The following MYOM2 variants were observed in gnomAD, a reference collection of about 807,000 sequenced individuals.
The protein encoded by MYOM2 is myomesin-2.
A neutral mutation model predicts 187.6 loss-of-function variants in MYOM2; 254 were observed. That is an observed-to-expected ratio of 1.35 (90% CI 1.22 to 1.50). The LOEUF is 1.50. Ranked by LOEUF, MYOM2 falls within the 40% of genes most tolerant of loss-of-function variation. The pLI is 0.00. For missense variants in MYOM2, 2,796 were observed against 1,924.0 expected, an observed-to-expected ratio of 1.45 and a Z score of -8.48; for synonymous variants, 981 against 753.8, an observed-to-expected ratio of 1.30 and a Z score of -4.94.
intron 21 of MYOM2, among the ~76,000 whole-genome samples, chr8:2,103,348 G>A (rs1796779221): frequency 6.6e-6 from 1 of 151,938 alleles, no homozygotes. Flanking sequence ...GTGCATATGT[G>A]TATGTATGGA....
At chr8:2,077,732 C>A (rs570040414) in intron 11 of MYOM2, among the ~76,000 whole-genome samples, 1 of 152,158 alleles carries the variant, frequency 6.6e-6, no homozygotes, top group Non-Finnish European at 1.5e-5. Flanking sequence ...ACGCTCCTCC[C>A]CTCATTACAA....
Position 2,085,571 on chromosome 8 carries a change from CA to C in MYOM2, c.1644+182del. Among the ~76,000 whole-genome samples, 3 of 32,494 alleles carry C rather than the reference CA, an allele frequency of 9.2e-5. 1 individual carries two copies. Among genetic ancestry groups the C allele is most frequent in the Non-Finnish European group, 5.4e-5 (1 of 18,642 alleles). The allele number at this position is 32,494 out of a possible 152,430, so 21.3% of individuals were successfully genotyped here. A position where few individuals can be genotyped will look rare whatever the true frequency, so the allele number is the denominator to read the frequency against. On this transcript the variant is annotated intron_variant, in intron 14 of 36. Coordinates refer to ENST00000262113, the MANE Select transcript of MYOM2 (RefSeq NM_003970.4). ...CACTGTCATGATCTCTGCGTGGCCC[CA>C]CTGTTGTGATCTCTGCGTGGCCCCA...
At chr8:2,115,938 A>G (rs1218604439) in intron 25 of MYOM2, 22 bp from the exon 26 acceptor site, 2 of 1,603,710 alleles carry the variant, frequency 1.2e-6, no homozygotes, top group Admixed American at 1.7e-5. Flanking sequence ...ATAATTCTCC[A>G]TTTCCCTTGT....
chr8:2,134,720 G>T (rs548490312), intron 32 of MYOM2, among the ~76,000 whole-genome samples: 2 of 152,252 alleles, frequency 1.3e-5, no homozygotes, highest in African/African-American at 4.8e-5. Context: ...TGCTCAAATT[G>T]TTCCAGCTCT....
intron 23 of MYOM2, among the ~76,000 whole-genome samples, chr8:2,106,989 A>T (rs1482153636): frequency 1.3e-5 from 2 of 151,486 alleles, no homozygotes; most frequent in Non-Finnish European, 3.0e-5. Flanking sequence ...TCAAAGAAAA[A>T]TTTTTTTATG....
chr8:2,125,182 C>T (rs1797593842), intron 31 of MYOM2, among the ~76,000 whole-genome samples: 1 of 152,216 alleles, frequency 6.6e-6, no homozygotes, highest in East Asian at 1.9e-4. Context: ...TGCAAAGCAT[C>T]TCCCCCACGA....
rs766373743 is a variant in MYOM2 at position 2,052,273 on chromosome 8, G to A, written c.223G>A (p.Val75Met). Residue 75 changes from valine (V) to methionine (M), a missense_variant, in exon 3 of 37, where the codon GTG (valine) becomes ATG (methionine). Physicochemically the swap from Val to Met is conservative, Grantham distance 21. Transcript: ENST00000262113. ...CATCTGCAGGGTCTGTGCGAAGCGAGTGAGCACGCAGGAAGATGAGGAGCA... is the reference window on the plus strand; with the variant it reads ...CATCTGCAGGGTCTGTGCGAAGCGAATGAGCACGCAGGAAGATGAGGAGCA... ...GTICRVCAKR[V>M]STQEDEEQEN... 3 of 1,609,648 alleles carry A rather than the reference G, an allele frequency of 1.9e-6. No individual in the cohort carries two copies. In the Admixed American group the frequency reaches 5.0e-5, roughly 27 times the overall value.
At chr8:2,125,722 C>G (rs753993362) in intron 31 of MYOM2, among the ~76,000 whole-genome samples, 2 of 148,460 alleles carry the variant, frequency 1.3e-5, no homozygotes, top group African/African-American at 5.0e-5. Context: ...ATTTTCCTAC[C>G]TCAGTCTCCA....
chr8:2,135,296 C>A (rs756854368), intron 32 of MYOM2, among the ~76,000 whole-genome samples: 2 of 152,120 alleles, frequency 1.3e-5, no homozygotes, highest in Non-Finnish European at 2.9e-5. Context: ...CAAAATATTG[C>A]TTTCCAAAGT....
intron 21 of MYOM2, among the ~76,000 whole-genome samples, chr8:2,104,554 G>T (rs1270908552): frequency 3.3e-5 from 5 of 151,690 alleles, no homozygotes; most frequent in Admixed American, 3.3e-4. Flanking sequence ...GCAGTGAGCC[G>T]AGATCGCGCC....
intron 15 of MYOM2, among the ~76,000 whole-genome samples, chr8:2,091,214 A>T (rs953928279): frequency 5.3e-5 from 8 of 151,774 alleles, no homozygotes; most frequent in East Asian, 1.9e-4. Flanking sequence ...TTTTAAAAAA[A>T]TTTTTGTTTT....
rs141432309 is a variant in MYOM2, at chr8:2,058,463, C to A, written c.560+683C>A. On this transcript the variant is annotated intron_variant, in intron 5 of 36. Transcript: ENST00000262113. ...AACTCATAAGTGGAAAGCATAAACT[C>A]TAAAGTTTTGGGACTGCAGATCTGC... Among the ~76,000 whole-genome samples the A allele has an allele frequency of 5.9e-5, 9 of 152,312 alleles. No individual in the cohort carries two copies. The East Asian group carries it at 1.7e-3, about 29-fold the overall frequency.
In MYOM2 at chr8:2,052,198, C is replaced by A; in HGVS notation, c.148C>A (p.Gln50Lys). The change falls in exon 3 of 37, where the codon CAG becomes AAG. Residue 50 changes from glutamine (Q) to lysine (K), a missense_variant. Coordinates refer to ENST00000262113, the MANE Select transcript of MYOM2 (RefSeq NM_003970.4). ...TQASSQKSLS[Q>K]RSSSQRASSQ... ...GGCATCTTCCCAGAAGTCCTTGAGT[C>A]AGCGGTCGTCTTCACAGAGAGCCTC... 6.2e-7 allele frequency: 1 copy of A among 1,613,482 alleles called. No homozygotes were observed. The highest frequency in any genetic ancestry group is 8.5e-7 in the Non-Finnish European group (1 of 1,179,764).
chr8:2,078,779 G>C lies in MYOM2; in HGVS notation c.1308G>C (p.Pro436=), dbSNP rs138301259. The change falls in exon 12 of 37, where the codon CCG becomes CCC. Residue 436 remains proline, a synonymous_variant. Transcript: ENST00000262113. ...ATTGGGTGCAGTGCAATGATGCACCGGTGAAAATCTGCAAATACCCGGTCA... is the reference window on the plus strand; with the variant it reads ...ATTGGGTGCAGTGCAATGATGCACCCGTGAAAATCTGCAAATACCCGGTCA... ...TNNWVQCNDA[P]VKICKYPVTG... The C allele has an allele frequency of 1.8e-3, 2,888 of 1,614,140 alleles. 7 individuals carry two copies. Among genetic ancestry groups the C allele is most frequent in the South Asian group, 2.5e-3 (224 of 91,068 alleles).
At chr8:2,120,689 A>ATATTTATAATAT in intron 28 of MYOM2, among the ~76,000 whole-genome samples, 3 of 42,416 alleles carry the variant, frequency 7.1e-5, no homozygotes, top group Non-Finnish European at 1.4e-4. Context: ...ATTATATATA[A>ATATTTATAATAT]ATATATAATA....
intron 32 of MYOM2, among the ~76,000 whole-genome samples, chr8:2,138,583 A>G (rs3779816): frequency 0.1 from 15,934 of 152,242 alleles, 1,027 homozygotes; most frequent in East Asian, 0.2. Flanking sequence ...ATTCTAACAC[A>G]GTTTTTAAAA....
At chr8:2,063,686 C>G (rs548180178) in intron 6 of MYOM2, among the ~76,000 whole-genome samples, 41 of 152,294 alleles carry the variant, frequency 2.7e-4, no homozygotes, top group African/African-American at 6.3e-4. Context: ...AGCGTCATCA[C>G]CACTTATAAT....
At position 2,069,158 on chromosome 8, in the gene MYOM2, A is replaced by T. The variant is rs1012279503; in HGVS notation, c.654-120A>T. The T allele has an allele frequency of 5.6e-5, 50 of 891,198 alleles. No individual in the cohort carries two copies. The African/African-American group carries it at 7.9e-4, about 14-fold the overall frequency. 55.2% of individuals were successfully genotyped at this position (891,198 alleles called of 1,614,324 possible). On this transcript the variant is annotated intron_variant, in intron 6 of 36. Transcript: ENST00000262113. ...AGCTGGCATTGTTCTTGCACAAATC[A>T]CTCATGAACAAATAAACCACGCCAT...
At chr8:2,083,619 A>G (rs1819710465) in intron 13 of MYOM2, among the ~76,000 whole-genome samples, 1 of 151,998 alleles carries the variant, frequency 6.6e-6, no homozygotes, top group South Asian at 2.1e-4. Context: ...CTTAACGTTC[A>G]TTTGTTTTCC....
Sources: gnomAD v4.1 joint callset for allele counts (sites outside exome capture counted in the v4.1 genomes callset) on GRCh38, gnomAD v4.1.1 for gene constraint, MANE v1.5 for transcripts, NCBI Gene and HGNC (gene_info 2026-07-23, HGNC 2026-07-21) for gene names.